The following EP300 variants were observed in gnomAD, a reference collection of about 807,000 sequenced individuals.
EP300 encodes EP300 lysine acetyltransferase.
EP300 carries 31 observed loss-of-function variants against 264.0 expected under a neutral mutation model. The observed-to-expected ratio is 0.12, with a 90% CI of 0.09 to 0.16. The LOEUF (loss-of-function observed/expected upper bound fraction) is 0.16. Ranked by LOEUF, EP300 falls within the 10% of genes least tolerant of loss-of-function variation. EP300 has a pLI of 1.00. For missense variants in EP300, 2,766 were observed against 3,052.9 expected, an observed-to-expected ratio of 0.91 and a Z score of 2.21; for synonymous variants, 1,340 against 1,045.4, an observed-to-expected ratio of 1.28 and a Z score of -5.44.
intron 20 of EP300, 92 bp from the exon 21 acceptor site, chr22:41,162,631 A>G: frequency 4.1e-6 from 4 of 974,600 alleles, no homozygotes; most frequent in South Asian, 1.3e-5. Flanking sequence ...CTGAATCTCT[A>G]TATAGGGTGA....
In EP300 at chr22:41,128,174, G is replaced by A. The variant is rs146246054; in HGVS notation, c.1168+426G>A. Among the ~76,000 whole-genome samples, 333 of 152,108 alleles carry A rather than the reference G, an allele frequency of 2.2e-3. 5 individuals are homozygous for A. The highest frequency in any genetic ancestry group is 0.021 in the South Asian group (99 of 4,818). On this transcript the variant is annotated intron_variant, in intron 4 of 30. Transcript: ENST00000263253. ...ATGTGAGACCATGTCTTTAAAAAAG[G>A]TTGGGCGCAGTGGCTCATGCCTGTC...
At chr22:41,133,351 A>G (rs544105349) in intron 6 of EP300, among the ~76,000 whole-genome samples, 1 of 151,252 alleles carries the variant, frequency 6.6e-6, no homozygotes, top group African/African-American at 2.4e-5. Flanking sequence ...AAGTTTTGCC[A>G]TGTTGGCCAG....
intron 26 of EP300, 44 bp downstream of exon 26, chr22:41,169,660 G>C (rs2145765462): frequency 8.8e-7 from 1 of 1,133,698 alleles, no homozygotes; most frequent in Non-Finnish European, 1.3e-6. Flanking sequence ...AACTAGCATG[G>C]CATTCTGGTG....
intron 2 of EP300, among the ~76,000 whole-genome samples, chr22:41,124,059 C>T (rs1211977382): frequency 1.3e-5 from 2 of 151,946 alleles, no homozygotes; most frequent in African/African-American, 2.4e-5. Context: ...GCCAGCCTTG[C>T]CAACATGGCG....
At chr22:41,101,787 C>T (rs1277846266) in intron 1 of EP300, among the ~76,000 whole-genome samples, 2 of 152,048 alleles carry the variant, frequency 1.3e-5, no homozygotes, top group African/African-American at 2.4e-5. Flanking sequence ...CCTCCTGCTT[C>T]GGCCTCCTGA....
intron 15 of EP300, 57 bp from the exon 16 acceptor site, chr22:41,152,149 T>G (rs2059049711): frequency 1.0e-5 from 16 of 1,596,442 alleles, no homozygotes; most frequent in Non-Finnish European, 1.4e-5. Flanking sequence ...GTGTTCAGAT[T>G]ACTGATTCCC....
At chr22:41,128,257 C>T (rs1397656576) in intron 4 of EP300, among the ~76,000 whole-genome samples, 2 of 152,068 alleles carry the variant, frequency 1.3e-5, no homozygotes, top group African/African-American at 4.8e-5. Flanking sequence ...GAGTTCAAGA[C>T]CAGCCTGGGC....
intron 5 of EP300, among the ~76,000 whole-genome samples, chr22:41,130,281 A>G (rs1405131430): frequency 8.6e-5 from 13 of 151,962 alleles, no homozygotes; most frequent in Admixed American, 8.5e-4. Flanking sequence ...GAAAGAAAAA[A>G]CAGTGCAGTG....
intron 23 of EP300, among the ~76,000 whole-genome samples, chr22:41,167,924 C>T (rs189175557): frequency 1.1e-4 from 15 of 134,980 alleles, no homozygotes; most frequent in African/African-American, 3.3e-4. Context: ...CGGGTTCAAG[C>T]GATTCTCGTG....
intron 1 of EP300, among the ~76,000 whole-genome samples, chr22:41,112,711 T>C (rs1601595517): frequency 6.7e-6 from 1 of 150,076 alleles, no homozygotes; most frequent in Non-Finnish European, 1.5e-5. Context: ...TTTATATTGT[T>C]TTTTTTTTTT....
chr22:41,141,004 C>T (rs2058979077), intron 9 of EP300, 44 bp from the exon 10 acceptor site: 2 of 1,580,348 alleles, frequency 1.3e-6, no homozygotes, highest in African/African-American at 1.4e-5. Context: ...GGTGGTAGTT[C>T]CTTTTTTCCT....
Position 41,139,711 on chromosome 22 carries a change from T to C in EP300, c.1761-429T>C, listed in dbSNP as rs1276156331. Among the ~76,000 whole-genome samples the C allele has an allele frequency of 2.0e-5, 3 of 152,310 alleles. No homozygotes were observed. The East Asian group carries it at 5.8e-4, about 29-fold the overall frequency. On this transcript the variant is annotated intron_variant, in intron 8 of 30. Coordinates refer to ENST00000263253, the MANE Select transcript of EP300 (RefSeq NM_001429.4). ...GGTTTTTGGTTTTTTGTTTGTTTTTTATAAGCCTTTGTCAGAACAGTTCAA... is the reference window on the plus strand; with the variant it reads ...GGTTTTTGGTTTTTTGTTTGTTTTTCATAAGCCTTTGTCAGAACAGTTCAA...
At chr22:41,146,475 C>G (rs2059011308) in intron 10 of EP300, 2 of 462,280 alleles carry the variant, frequency 4.3e-6, no homozygotes, top group Non-Finnish European at 7.9e-6. Flanking sequence ...CCTATAATGG[C>G]TTCAATAGCT....
At chr22:41,121,935 T>G (rs544337180) in intron 2 of EP300, among the ~76,000 whole-genome samples, 1 of 152,236 alleles carries the variant, frequency 6.6e-6, no homozygotes, top group Non-Finnish European at 1.5e-5. Flanking sequence ...AGAAACAGGT[T>G]AAACAACTCC....
At position 41,092,907 on chromosome 22, in the gene EP300, C is replaced by G. The variant is rs1044503438; in HGVS notation, c.-98C>G. On this transcript the variant is annotated 5_prime_UTR_variant, in exon 1 of 31. Coordinates refer to ENST00000263253, the MANE Select transcript of EP300 (RefSeq NM_001429.4). ...CCCCCTCGGGTGCCGTCGGAGCCCC[C>G]CAGCCCACCCCTGGGTGCGGCGCGG... is the stretch of plus-strand genomic sequence containing the variant. The G allele has an allele frequency of 7.8e-6, 11 of 1,402,656 alleles. No individual in the cohort carries two copies. The highest frequency in any genetic ancestry group is 1.0e-5 in the Non-Finnish European group (10 of 988,870). The allele number at this position is 1,402,656 out of a possible 1,614,324, so 86.9% of individuals were successfully genotyped here.
chr22:41,101,105 CACTCTGTTTCCTAGACAGG>C (rs1239681822), intron 1 of EP300, among the ~76,000 whole-genome samples: 5 of 152,086 alleles, frequency 3.3e-5, no homozygotes, highest in Non-Finnish European at 5.9e-5. Flanking sequence ...CACAGAGTCT[CACTCTGTTTCCTAGACAGG>C]AGTGCAGTGG....
intron 6 of EP300, among the ~76,000 whole-genome samples, chr22:41,134,621 C>T (rs2058939594): frequency 1.3e-5 from 2 of 152,300 alleles, no homozygotes; most frequent in South Asian, 2.1e-4. Context: ...TCTTGAACTC[C>T]TGAGCTCAAG....
rs758996869 is a variant in EP300 at position 41,177,878 on chromosome 22, G to A, written c.6167G>A (p.Arg2056Gln). 1.4e-5 allele frequency: 23 copies of A among 1,614,038 alleles called. No individual in the cohort carries two copies. The highest frequency in any genetic ancestry group is 1.8e-5 in the Non-Finnish European group (21 of 1,180,034). Residue 2056 changes from arginine (R) to glutamine (Q), a missense_variant, in exon 31 of 31, where the codon CGG becomes CAG. Arg to Gln is a conservative substitution (Grantham distance 43). Transcript: ENST00000263253. Reference protein sequence around the residue: ...VSQQALQNLLRTLRSPSSPLQ... With the variant: ...VSQQALQNLLQTLRSPSSPLQ... ...CAACAAGCCTTACAAAACCTTTTGC[G>A]GACTCTCAGGTCTCCCAGCTCTCCC...
intron 1 of EP300, among the ~76,000 whole-genome samples, chr22:41,116,098 T>A (rs1302827596): frequency 1.3e-5 from 2 of 152,266 alleles, no homozygotes; most frequent in Non-Finnish European, 2.9e-5. Context: ...TTTCCATGAC[T>A]GTGGATACAA....
Sources: allele counts gnomAD v4.1 joint callset (sites outside exome capture counted in the v4.1 genomes callset), GRCh38; gene constraint gnomAD v4.1.1; transcripts MANE v1.5; gene names NCBI Gene and HGNC (gene_info 2026-07-23, HGNC 2026-07-21).